Variants in OR2C3 observed in about 807,000 individuals in gnomAD.
OR2C3 encodes olfactory receptor 2C3.
For synonymous variants in OR2C3, 178 were observed against 163.4 expected, an observed-to-expected ratio of 1.09 and a Z score of -0.68; for missense variants, 425 against 401.5, an observed-to-expected ratio of 1.06 and a Z score of -0.50.
At position 247,527,011 on chromosome 1, in the gene OR2C3, T is replaced by C. The variant is rs1034509897; in HGVS notation, c.*4538A>G. ...ACTGGATGTGGAGCCAGAAATTGTGTGGAATGCCTGGTGTTTCTTTCAGTT... is the reference window on the plus strand; with the variant it reads ...ACTGGATGTGGAGCCAGAAATTGTGCGGAATGCCTGGTGTTTCTTTCAGTT... On this transcript the variant is annotated 3_prime_UTR_variant, in exon 3 of 3. Transcript: ENST00000641802. This position sits in a 1 kb window ranked among gnomAD's most constrained non-coding sequence, Gnocchi z 4.6. 7 of 456,630 alleles carry C rather than the reference T, an allele frequency of 1.5e-5. No homozygotes were observed. The highest frequency in any genetic ancestry group is 1.4e-4 in the African/African-American group (7 of 50,086). 28.3% of individuals were successfully genotyped at this position (456,630 alleles called of 1,614,324 possible). A position where few individuals can be genotyped will look rare whatever the true frequency, so the allele number is the denominator to read the frequency against.
At chr1:247,536,074 C>G (rs1406991192) in intron 1 of OR2C3, 94 bp downstream of exon 1, 2 of 151,820 alleles carry the variant, frequency 1.3e-5, no homozygotes, top group Non-Finnish European at 2.9e-5. Flanking sequence ...TCAATTTTAA[C>G]TGGAATTACC....
intron 2 of OR2C3, among the ~76,000 whole-genome samples, chr1:247,533,063 C>G (rs1667069001): frequency 6.6e-6 from 1 of 152,218 alleles, no homozygotes; most frequent in African/African-American, 2.4e-5. Context: ...TGTGCCCTCT[C>G]AAATTCCACA....
Position 247,527,048 on chromosome 1 carries a change from A to G in OR2C3, c.*4501T>C, listed in dbSNP as rs768830583. 4.4e-6 allele frequency: 2 copies of G among 456,586 alleles called. No individual in the cohort carries two copies. The highest frequency in any genetic ancestry group is 8.8e-6 in the Non-Finnish European group (2 of 226,968). The allele number at this position is 456,586 out of a possible 1,614,324, so 28.3% of individuals were successfully genotyped here. A position where few individuals can be genotyped will look rare whatever the true frequency, so the allele number is the denominator to read the frequency against. On this transcript the variant is annotated 3_prime_UTR_variant, in exon 3 of 3. Transcript: ENST00000641802. The surrounding 1 kb of genome is among the most constrained non-coding windows in gnomAD (Gnocchi z 4.6). ...TGTTTCTTTCAGTTCTTGGATGCCA[A>G]TCTGAGGTACAAATCACATTTCAAG...
intron 2 of OR2C3, among the ~76,000 whole-genome samples, chr1:247,532,838 T>C (rs2103007045): frequency 6.8e-6 from 1 of 147,514 alleles, no homozygotes; most frequent in South Asian, 2.2e-4. Flanking sequence ...ATTACCTTCC[T>C]CACGGCCAAC....
chr1:247,528,310 G>A lies in OR2C3; in HGVS notation c.*3239C>T, dbSNP rs1558239407. 1 of 151,576 alleles carries A rather than the reference G, an allele frequency of 6.6e-6. No homozygotes were observed. The highest frequency in any genetic ancestry group is 2.1e-4 in the South Asian group (1 of 4,818). 9.4% of individuals were successfully genotyped at this position (151,576 alleles called of 1,614,324 possible). On this transcript the variant is annotated 3_prime_UTR_variant, in exon 3 of 3. Coordinates refer to ENST00000641802, the MANE Select transcript of OR2C3 (RefSeq NM_198074.6). ...GGTGCAGTATGATGTTTTGATACAT[G>A]TATACTTGTGTAATGATCAAATCAA... is the stretch of plus-strand genomic sequence containing the variant.
Position 247,532,389 on chromosome 1 carries a change from C to A in OR2C3, c.123G>T (p.Leu41Phe). Residue 41 changes from leucine (L) to phenylalanine (F), a missense_variant, in exon 3 of 3, where the codon TTG becomes TTT. Physicochemically the swap from Leu to Phe is conservative, Grantham distance 22. Transcript: ENST00000641802. ...VVLSFYMVSI[L>F]GNGIIILVSH... is the part of the protein sequence containing the mutation. ...AGACCAGAATGATGATGCCATTGCC[C>A]AAGATCGATACCATGTAAAAACTCA... 6.2e-7 allele frequency: 1 copy of A among 1,614,080 alleles called. No individual in the cohort carries two copies. The highest frequency in any genetic ancestry group is 8.5e-7 in the Non-Finnish European group (1 of 1,180,008).
Position 247,526,311 on chromosome 1 carries a change from A to G in OR2C3, c.*5238T>C, listed in dbSNP as rs1666681358. ...ATATTTTTTACTCTATCTGGCTCAT[A>G]ATACCTGACCTAAAGTTCTGACAGA... is the stretch of plus-strand genomic sequence containing the variant. On this transcript the variant is annotated 3_prime_UTR_variant, in exon 3 of 3. Coordinates refer to ENST00000641802, the MANE Select transcript of OR2C3 (RefSeq NM_198074.6). This position sits in a 1 kb window ranked among gnomAD's most constrained non-coding sequence, Gnocchi z 4.8. The G allele has an allele frequency of 6.6e-6, 1 of 152,206 alleles. No homozygotes were observed. Among genetic ancestry groups the G allele is most frequent in the African/African-American group, 2.4e-5 (1 of 41,438 alleles). The allele number at this position is 152,206 out of a possible 1,614,324, so 9.4% of individuals were successfully genotyped here.
At position 247,532,334 on chromosome 1, in the gene OR2C3, T is replaced by C; in HGVS notation, c.178A>G (p.Met60Val). The change falls in exon 3 of 3, where the codon ATG (methionine) becomes GTG (valine). Residue 60 changes from methionine (M) to valine (V), a missense_variant. Physicochemically the swap from Met to Val is conservative, Grantham distance 21. Coordinates refer to ENST00000641802, the MANE Select transcript of OR2C3 (RefSeq NM_198074.6). ...SHTDVHLHTPMYFFLANLPFL... is the reference protein window; with the variant it reads ...SHTDVHLHTPVYFFLANLPFL... ...GGGAGGTTGGCAAGAAAGAAGTACA[T>C]AGGTGTGTGGAGGTGCACATCTGTA... is the stretch of plus-strand genomic sequence containing the variant. The C allele has an allele frequency of 6.2e-7, 1 of 1,614,016 alleles. No individual in the cohort carries two copies. Among genetic ancestry groups the C allele is most frequent in the Non-Finnish European group, 8.5e-7 (1 of 1,179,902 alleles).
chr1:247,532,815 T>C (rs1558243037), intron 2 of OR2C3, among the ~76,000 whole-genome samples: 1 of 151,884 alleles, frequency 6.6e-6, no homozygotes, highest in Non-Finnish European at 1.5e-5. Context: ...AACAGCTACG[T>C]GGATGGCATT....
In OR2C3 at chr1:247,531,431, C is replaced by T. The variant is rs929105802; in HGVS notation, c.*118G>A. 13 of 981,224 alleles carry T rather than the reference C, an allele frequency of 1.3e-5. No individual in the cohort carries two copies. The highest frequency in any genetic ancestry group is 4.9e-5 in the African/African-American group (3 of 61,580). The allele number at this position is 981,224 out of a possible 1,614,324, so 60.8% of individuals were successfully genotyped here. ...GCATGAGCACACTCCTTTCAGATTT[C>T]CATCTACCTTGAGCTCAAACAATAT... On this transcript the variant is annotated 3_prime_UTR_variant, in exon 3 of 3. Transcript: ENST00000641802.
In OR2C3 at chr1:247,530,305, G is replaced by C. The variant is rs985328745; in HGVS notation, c.*1244C>G. 6.6e-6 allele frequency: 1 copy of C among 152,150 alleles called. No individual in the cohort carries two copies. The highest frequency in any genetic ancestry group is 1.5e-5 in the Non-Finnish European group (1 of 68,028). The allele number at this position is 152,150 out of a possible 1,614,324, so 9.4% of individuals were successfully genotyped here. ...AACTCTAGTGATAGGTTACTCTATT[G>C]ATAGAAGTTCTTTAACATCTGGAAA... is the stretch of plus-strand genomic sequence containing the variant. On this transcript the variant is annotated 3_prime_UTR_variant, in exon 3 of 3. Coordinates refer to ENST00000641802, the MANE Select transcript of OR2C3 (RefSeq NM_198074.6).
chr1:247,534,704 CTA>C (rs1491356962), intron 1 of OR2C3, among the ~76,000 whole-genome samples: 1 of 152,176 alleles, frequency 6.6e-6, no homozygotes, highest in Non-Finnish European at 1.5e-5. Flanking sequence ...GTGAACTTAA[CTA>C]TCAGCCTTCT....
At chr1:247,533,343 C>T (rs1217371591) in intron 2 of OR2C3, among the ~76,000 whole-genome samples, 164 bp downstream of exon 2, 9 of 152,152 alleles carry the variant, frequency 5.9e-5, no homozygotes, top group Admixed American at 5.9e-4. Context: ...CCTCATTCTT[C>T]CCCGCAGTTA....
chr1:247,527,228 C>CT lies in OR2C3; in HGVS notation c.*4320dup. The stretch of plus-strand genomic sequence containing the variant: ...CATTCTCCTCTGTGCCAAACAGGGG[C>CT]TGATGGATGGTCAGGGCAAAGCACA... On this transcript the variant is annotated 3_prime_UTR_variant, in exon 3 of 3. Coordinates refer to ENST00000641802, the MANE Select transcript of OR2C3 (RefSeq NM_198074.6). This position sits in a 1 kb window ranked among gnomAD's most constrained non-coding sequence, Gnocchi z 4.6. The CT allele has an allele frequency of 2.6e-6, 1 of 380,644 alleles. No homozygotes were observed. Among genetic ancestry groups the CT allele is most frequent in the Non-Finnish European group, 5.2e-6 (1 of 192,584 alleles). The allele number at this position is 380,644 out of a possible 1,614,324, so 23.6% of individuals were successfully genotyped here. A position where few individuals can be genotyped will look rare whatever the true frequency, so the allele number is the denominator to read the frequency against.
chr1:247,528,088 A>G lies in OR2C3; in HGVS notation c.*3461T>C, dbSNP rs1666753627. ...GGTCTTTGGGTTCTAAACTGAGTAAAAAATGTCAGTAACTTGATTTCCTAC... is the reference window on the plus strand; with the variant it reads ...GGTCTTTGGGTTCTAAACTGAGTAAGAAATGTCAGTAACTTGATTTCCTAC... On this transcript the variant is annotated 3_prime_UTR_variant, in exon 3 of 3. Coordinates refer to ENST00000641802, the MANE Select transcript of OR2C3 (RefSeq NM_198074.6). 6.6e-6 allele frequency: 1 copy of G among 152,140 alleles called. No individual in the cohort carries two copies. The highest frequency in any genetic ancestry group is 2.4e-5 in the African/African-American group (1 of 41,408). 9.4% of individuals were successfully genotyped at this position (152,140 alleles called of 1,614,324 possible).
At position 247,532,059 on chromosome 1, in the gene OR2C3, C is replaced by G. The variant is rs765308778; in HGVS notation, c.453G>C (p.Leu151=). ...CCACCATGCTGGTGGTCAGACCCCC[C>G]AGCCAGGAGGCCAAAGCTAGCCCAA... The part of the protein sequence containing the change: ...LCLGLALASW[L]GGLTTSMVGS... The change falls in exon 3 of 3, where the codon CTG becomes CTC. Residue 151 remains leucine, a synonymous_variant. Coordinates refer to ENST00000641802, the MANE Select transcript of OR2C3 (RefSeq NM_198074.6). 7.4e-6 allele frequency: 12 copies of G among 1,614,058 alleles called. No homozygotes were observed. The highest frequency in any genetic ancestry group is 2.2e-5 in the South Asian group (2 of 91,068).
Position 247,531,782 on chromosome 1 carries a change from A to G in OR2C3, c.730T>C (p.Ser244Pro), listed in dbSNP as rs1666973463. Residue 244 changes from serine (S) to proline (P), a missense_variant, in exon 3 of 3, where the codon TCC becomes CCC. By Grantham distance (74) the Ser-to-Pro change is moderately conservative. Coordinates refer to ENST00000641802, the MANE Select transcript of OR2C3 (RefSeq NM_198074.6). ...AACAGAGACACCACAGCCACGTGGGAAGAACAGGTGTTGAATGCCTTTCTC... is the reference window on the plus strand; with the variant it reads ...AACAGAGACACCACAGCCACGTGGGGAGAACAGGTGTTGAATGCCTTTCTC... ...GRRKAFNTCS[S>P]HVAVVSLFYG... The G allele has an allele frequency of 6.2e-7, 1 of 1,614,072 alleles. No homozygotes were observed. The highest frequency in any genetic ancestry group is 1.3e-5 in the African/African-American group (1 of 74,926).
In OR2C3 at chr1:247,526,698, G is replaced by C; in HGVS notation, c.*4851C>G. 1 of 352,152 alleles carries C rather than the reference G, an allele frequency of 2.8e-6. No homozygotes were observed. The highest frequency in any genetic ancestry group is 2.2e-5 in the South Asian group (1 of 44,808). 21.8% of individuals were successfully genotyped at this position (352,152 alleles called of 1,614,324 possible). A position where few individuals can be genotyped will look rare whatever the true frequency, so the allele number is the denominator to read the frequency against. On this transcript the variant is annotated 3_prime_UTR_variant, in exon 3 of 3. Transcript: ENST00000641802. This position sits in a 1 kb window ranked among gnomAD's most constrained non-coding sequence, Gnocchi z 4.8. ...TAGAGGGTTCACAGAGCAGGTTTGGGATGATCCAGGTTTTCTGTCCTGTGA... is the reference window on the plus strand; with the variant it reads ...TAGAGGGTTCACAGAGCAGGTTTGGCATGATCCAGGTTTTCTGTCCTGTGA...
At chr1:247,532,892 T>G (rs1343353710) in intron 2 of OR2C3, among the ~76,000 whole-genome samples, 1 of 152,110 alleles carries the variant, frequency 6.6e-6, no homozygotes, top group African/African-American at 2.4e-5. Context: ...GTTCACTGTC[T>G]GGGGAAAATG....
Sources: allele counts gnomAD v4.1 joint callset (sites outside exome capture counted in the v4.1 genomes callset), GRCh38; gene constraint gnomAD v4.1.1; non-coding constraint Gnocchi (gnomAD v3.1); transcripts MANE v1.5; gene names NCBI Gene and HGNC (gene_info 2026-07-23, HGNC 2026-07-21).